The following GRM7 variants were observed in gnomAD, a reference collection of about 807,000 sequenced individuals.
GRM7 encodes the protein glutamate metabotropic receptor 7, also known as metabotropic glutamate receptor 7.
Under a neutral mutation model 84.5 loss-of-function variants are expected in GRM7, and 35 were observed. The ratio of observed to expected loss-of-function variants is 0.41; its 90% CI spans 0.32 to 0.55. The LOEUF is 0.55. Among genes scored for constraint, GRM7 ranks in the 20% least tolerant of loss-of-function variants. GRM7 has a pLI of 0.19. For missense variants in GRM7, 1,003 were observed against 1,194.6 expected, an observed-to-expected ratio of 0.84 and a Z score of 2.36; for synonymous variants, 487 against 455.1, an observed-to-expected ratio of 1.07 and a Z score of -0.89.
chr3:7,452,537 G>C, intron 5 of GRM7, 70 bp from the exon 6 acceptor site: 1 of 1,024,792 alleles, frequency 9.8e-7, no homozygotes, highest in Non-Finnish European at 1.5e-6. Context: ...TTTAAATTTG[G>C]ACATTCTACT....
chr3:7,090,684 A>G (rs1156297203), intron 1 of GRM7, among the ~76,000 whole-genome samples: 2 of 152,222 alleles, frequency 1.3e-5, no homozygotes, highest in Non-Finnish European at 1.5e-5. Context: ...GAGCATATAT[A>G]CAGAAAACTC....
chr3:7,531,247 G>T (rs1036524051), intron 7 of GRM7, among the ~76,000 whole-genome samples: 13 of 152,116 alleles, frequency 8.5e-5, no homozygotes, highest in Middle Eastern at 3.2e-3. Context: ...AAGATCAGAT[G>T]GTTGTAGATT....
intron 4 of GRM7, among the ~76,000 whole-genome samples, chr3:7,408,552 G>T (rs968265630): frequency 6.6e-6 from 1 of 152,084 alleles, no homozygotes; most frequent in Non-Finnish European, 1.5e-5. Flanking sequence ...TAGCCAAGCC[G>T]ATTTACATGT....
At chr3:7,078,946 A>C (rs1023671860) in intron 1 of GRM7, among the ~76,000 whole-genome samples, 2 of 152,026 alleles carry the variant, frequency 1.3e-5, no homozygotes, top group Non-Finnish European at 2.9e-5. Flanking sequence ...GAAAGGTATA[A>C]GAAATACAAT....
chr3:6,878,381 G>GTA (rs1553578857), intron 1 of GRM7, among the ~76,000 whole-genome samples: 1 of 83,064 alleles, frequency 1.2e-5, no homozygotes, highest in Non-Finnish European at 2.5e-5. Context: ...GTGTTTGCGT[G>GTA]TGTGTGTGTG....
At chr3:6,870,880 T>G (rs2124942021) in intron 1 of GRM7, among the ~76,000 whole-genome samples, 1 of 152,136 alleles carries the variant, frequency 6.6e-6, no homozygotes, top group South Asian at 2.1e-4. Context: ...GGGTTAGGGG[T>G]TAAGGATCAG....
rs141242738 is a variant in GRM7, at chr3:7,514,590, C to G, written c.1515+52868C>G. ...AACTTGCTTGGGGTGGCTGCAATCCCACTCCTGTTTCTATCCACCACAGTG... is the reference window on the plus strand; with the variant it reads ...AACTTGCTTGGGGTGGCTGCAATCCGACTCCTGTTTCTATCCACCACAGTG... On this transcript the variant is annotated intron_variant, in intron 7 of 9. Transcript: ENST00000357716. Among the ~76,000 whole-genome samples the G allele has an allele frequency of 2.6e-5, 4 of 152,300 alleles. No homozygotes were observed. The East Asian group carries it at 7.7e-4, about 29-fold the overall frequency.
rs535941415 is a variant in GRM7 at position 6,880,066 on chromosome 3, G to A, written c.519+18159G>A. On this transcript the variant is annotated intron_variant, in intron 1 of 9. Transcript: ENST00000357716. The stretch of plus-strand genomic sequence containing the variant: ...ATCATCAGACTCTCACTTAGATCTC[G>A]TTAGCTAGGGCTTTAAACTGGCCAC... Among the ~76,000 whole-genome samples the A allele has an allele frequency of 5.9e-5, 9 of 152,278 alleles. No homozygotes were observed. In the South Asian group the frequency reaches 6.2e-4, roughly 11 times the overall value.
At chr3:7,000,262 C>A (rs138318924) in intron 1 of GRM7, among the ~76,000 whole-genome samples, 1 of 151,628 alleles carries the variant, frequency 6.6e-6, no homozygotes, top group East Asian at 2.0e-4. Context: ...ACTTCTGACT[C>A]CCAGGTTCAA....
rs535036364 is a variant in GRM7 at position 7,507,417 on chromosome 3, A to G, written c.1515+45695A>G. Among the ~76,000 whole-genome samples, 16 of 152,366 alleles carry G rather than the reference A, an allele frequency of 1.1e-4. No individual in the cohort carries two copies. In the East Asian group the frequency reaches 1.7e-3, roughly 17 times the overall value. On this transcript the variant is annotated intron_variant, in intron 7 of 9. Coordinates refer to ENST00000357716, the MANE Select transcript of GRM7 (RefSeq NM_000844.4). ...AGTCAAACTGAGTCCTGAGAAGGAA[A>G]GAAGCTATAGCATTTTGTAACTAAT...
intron 2 of GRM7, among the ~76,000 whole-genome samples, chr3:7,149,737 T>C (rs1694224351): frequency 6.6e-6 from 1 of 152,140 alleles, no homozygotes; most frequent in Non-Finnish European, 1.5e-5. Flanking sequence ...AACTTCCTCA[T>C]AGAAAGAATG....
At chr3:7,586,572 C>T (rs1559421658) in intron 8 of GRM7, among the ~76,000 whole-genome samples, 1 of 152,174 alleles carries the variant, frequency 6.6e-6, no homozygotes, top group Non-Finnish European at 1.5e-5. Context: ...CTTCGGGAGG[C>T]TGAGATGGGT....
chr3:7,549,983 C>G (rs1693367892), intron 7 of GRM7, among the ~76,000 whole-genome samples: 1 of 152,146 alleles, frequency 6.6e-6, no homozygotes, highest in East Asian at 1.9e-4. Flanking sequence ...TTTTATATAT[C>G]CTTCCAGTTT....
chr3:7,126,592 C>T (rs1032451232), intron 1 of GRM7, among the ~76,000 whole-genome samples: 1 of 152,118 alleles, frequency 6.6e-6, no homozygotes, highest in Non-Finnish European at 1.5e-5. Flanking sequence ...ATTTCCTGGG[C>T]TATGTGGGGT....
chr3:7,239,411 T>C (rs1697467751), intron 2 of GRM7, among the ~76,000 whole-genome samples: 1 of 152,144 alleles, frequency 6.6e-6, no homozygotes, highest in Non-Finnish European at 1.5e-5. Context: ...AGCTCTGGGA[T>C]CATAGTTTGC....
At chr3:7,002,387 TC>T (rs1161054783) in intron 1 of GRM7, among the ~76,000 whole-genome samples, 2 of 152,190 alleles carry the variant, frequency 1.3e-5, no homozygotes, top group African/African-American at 4.8e-5. Context: ...AAAGAATAGC[TC>T]CTATGTACCA....
At chr3:7,555,599 A>G (rs2067219860) in intron 7 of GRM7, among the ~76,000 whole-genome samples, 2 of 152,232 alleles carry the variant, frequency 1.3e-5, no homozygotes, top group South Asian at 4.1e-4. Context: ...GGCAAATTAA[A>G]ACATTGTTAC....
At chr3:7,720,104 T>C (rs1701894125) in intron 9 of GRM7, among the ~76,000 whole-genome samples, 1 of 152,110 alleles carries the variant, frequency 6.6e-6, no homozygotes, top group Non-Finnish European at 1.5e-5. Context: ...CTATTATCAT[T>C]TTCCTCATCT....
chr3:6,909,052 T>A (rs9820153), intron 1 of GRM7, among the ~76,000 whole-genome samples: 18,972 of 152,104 alleles, frequency 0.12, 2,255 homozygotes, highest in African/African-American at 0.31. Context: ...AGTCATTAAA[T>A]CCTTTCATGA....
Sources: allele counts gnomAD v4.1 joint callset (sites outside exome capture counted in the v4.1 genomes callset), GRCh38; gene constraint gnomAD v4.1.1; transcripts MANE v1.5; gene names NCBI Gene and HGNC (gene_info 2026-07-23, HGNC 2026-07-21).